CPO: variants seen among roughly 807,000 people sequenced by gnomAD.
The protein encoded by CPO is metallocarboxypeptidase C.
In CPO, 43 loss-of-function variants were observed where a neutral mutation model predicts 41.2. The observed-to-expected ratio is 1.04, with a 90% confidence interval of 0.82 to 1.35. The LOEUF (loss-of-function observed/expected upper bound fraction) is 1.35, where lower values mean the gene tolerates loss of function less well. Ranked by LOEUF, CPO falls within the 40% of genes most tolerant of loss-of-function variation. The probability of loss-of-function intolerance (pLI) is 0.00; values close to 1 mark genes in which losing one functional copy is unlikely to be tolerated. For missense variants in CPO, 408 were observed against 451.7 expected (o/e 0.90, Z 0.88); for synonymous variants, 178 against 162.7 (o/e 1.09, Z -0.72).
chr2:206,956,412 T>TCAA (rs141567906), intron 3 of CPO, among the ~76,000 whole-genome samples: 9 of 145,098 alleles, frequency 6.2e-5, no homozygotes, highest in Non-Finnish European at 1.1e-4. Context: ...ATCATCATCA[T>TCAA]CATCAGCAGC....
rs73983133 is a variant in CPO at position 206,967,648 on chromosome 2, G to C, written c.778-615G>C. Among the ~76,000 whole-genome samples the C allele has an allele frequency of 3.6e-3, 547 of 152,236 alleles. 4 individuals are homozygous for C. Among genetic ancestry groups the C allele is most frequent in the African/African-American group, 0.013 (524 of 41,534 alleles). On this transcript the variant is annotated intron_variant, in intron 7 of 8. Transcript: ENST00000272852. ...GGAATGTAGGGTAAGGCTGAGGAAT[G>C]GTAGGAAAATGAGTTTTTGACTATC...
intron 2 of CPO, among the ~76,000 whole-genome samples, chr2:206,951,332 C>T (rs925323967): frequency 6.6e-6 from 1 of 152,156 alleles, no homozygotes. Context: ...AAATTGGATA[C>T]AGTGAAAAAT....
chr2:206,957,253 G>A (rs921580738), intron 3 of CPO, among the ~76,000 whole-genome samples: 1 of 152,026 alleles, frequency 6.6e-6, no homozygotes, highest in African/African-American at 2.4e-5. Context: ...GCATGTGCCT[G>A]TAGTCCCAGC....
Position 206,955,530 on chromosome 2 carries a change from T to C in CPO, c.233T>C (p.Val78Ala). 6.2e-7 allele frequency: 1 copy of C among 1,607,806 alleles called. No individual in the cohort carries two copies. The highest frequency in any genetic ancestry group is 8.5e-7 in the Non-Finnish European group (1 of 1,174,270). ...GTGGTGACACAGCATTTCCTAGGAG[T>C]GACCTATGAGACCCACCCCATGTAT... ...KEVVTQHFLG[V>A]TYETHPMYYL... Residue 78 changes from valine to alanine, a missense_variant, in exon 3 of 9, where the codon GTG becomes GCG. Transcript: ENST00000272852.
chr2:206,943,690 A>AGATAGATAGATAATGGATAGAT, intron 1 of CPO, among the ~76,000 whole-genome samples: 1 of 103,986 alleles, frequency 9.6e-6, no homozygotes, highest in South Asian at 3.1e-4. Context: ...ATAGATAGAT[A>AGATAGATAGATAATGGATAGAT]GATAGATAGA....
intron 4 of CPO, among the ~76,000 whole-genome samples, chr2:206,958,728 GTTTTTTTTTTT>G (rs752377148): frequency 2.8e-4 from 15 of 53,334 alleles, no homozygotes; most frequent in East Asian, 7.8e-4. Flanking sequence ...AAATTTTCTA[GTTTTTTTTTTT>G]TTTTTTTTTT....
At chr2:206,943,690 A>AGAT (rs1693074271) in intron 1 of CPO, among the ~76,000 whole-genome samples, 1 of 103,986 alleles carries the variant, frequency 9.6e-6, no homozygotes, top group African/African-American at 3.7e-5. Flanking sequence ...ATAGATAGAT[A>AGAT]GATAGATAGA....
At chr2:206,946,638 A>G (rs1177014408) in intron 1 of CPO, among the ~76,000 whole-genome samples, 2 of 152,194 alleles carry the variant, frequency 1.3e-5, no homozygotes, top group East Asian at 1.9e-4. Context: ...TAAAATAAAA[A>G]GTATACAGAT....
intron 1 of CPO, 119 bp downstream of exon 1, chr2:206,939,786 A>T: frequency 1.6e-6 from 1 of 640,554 alleles, no homozygotes; most frequent in Non-Finnish European, 2.7e-6. Context: ...ATATACCACC[A>T]TGAGATGAGA....
At chr2:206,954,029 G>C (rs1333276806) in intron 2 of CPO, among the ~76,000 whole-genome samples, 2 of 152,118 alleles carry the variant, frequency 1.3e-5, no homozygotes, top group Non-Finnish European at 2.9e-5. Context: ...CACAGAACAA[G>C]GGGGCCCTGA....
At chr2:206,966,512 C>T (rs1302589494) in intron 7 of CPO, among the ~76,000 whole-genome samples, 1 of 152,134 alleles carries the variant, frequency 6.6e-6, no homozygotes, top group African/African-American at 2.4e-5. Context: ...GAATCCTGCC[C>T]ACCCCTCCCT....
At chr2:206,943,698 A>G (rs1693074766) in intron 1 of CPO, among the ~76,000 whole-genome samples, 3 of 127,256 alleles carry the variant, frequency 2.4e-5, no homozygotes, top group Non-Finnish European at 5.2e-5. Context: ...ATAGATAGAT[A>G]GATAGATAGA....
At chr2:206,943,617 T>C (rs1161500601) in intron 1 of CPO, among the ~76,000 whole-genome samples, 2 of 134,756 alleles carry the variant, frequency 1.5e-5, no homozygotes, top group Non-Finnish European at 3.2e-5. Context: ...AAAAAAAAAC[T>C]GGGATAATAG....
chr2:206,954,278 C>T (rs1693318729), intron 2 of CPO, among the ~76,000 whole-genome samples: 1 of 152,142 alleles, frequency 6.6e-6, no homozygotes, highest in African/African-American at 2.4e-5. Context: ...TGCTCTGTCC[C>T]CTCGTGAATG....
intron 6 of CPO, among the ~76,000 whole-genome samples, chr2:206,961,975 C>A (rs1693488326): frequency 6.6e-6 from 1 of 151,644 alleles, no homozygotes; most frequent in South Asian, 2.1e-4. Context: ...TGGCGGGTGC[C>A]TGTAGTCCCA....
chr2:206,960,800 T>A, intron 5 of CPO, 52 bp from the exon 6 acceptor site: 1 of 1,280,660 alleles, frequency 7.8e-7, no homozygotes, highest in East Asian at 2.3e-5. Context: ...TCACTAACAC[T>A]GTGATTTATG....
intron 7 of CPO, among the ~76,000 whole-genome samples, chr2:206,967,354 T>TATAGATATATAG (rs1553512807): frequency 5.0e-4 from 56 of 111,114 alleles, no homozygotes; most frequent in African/African-American, 1.8e-3. Context: ...TATATATAGA[T>TATAGATATATAG]ATATAGATAT....
In CPO at chr2:206,958,316, GGT is replaced by G. The variant is rs1189099157; in HGVS notation, c.284_285del (p.Gly95GlufsTer35). ...TCTTCTCCAGATCAGCCAACCATCT[GGT>G]AATCCCAAGAAAATCATTTGGATGG... The part of the protein sequence containing the change: ...MYYLKISQPS[G>X]NPKKIIWMDC... On this transcript the variant is annotated frameshift_variant, in exon 4 of 9. Coordinates refer to ENST00000272852, the MANE Select transcript of CPO (RefSeq NM_173077.3). LOFTEE classifies it high-confidence loss of function. 6.3e-7 allele frequency: 1 copy of G among 1,589,658 alleles called. No homozygotes were observed. The highest frequency in any genetic ancestry group is 1.4e-5 in the African/African-American group (1 of 73,984).
chr2:206,957,837 T>G (rs1360702356), intron 3 of CPO, among the ~76,000 whole-genome samples: 2 of 152,188 alleles, frequency 1.3e-5, no homozygotes, highest in Admixed American at 1.3e-4. Context: ...TTGAATCCAT[T>G]TGAAATTTCA....
Sources: gnomAD v4.1 joint callset for allele counts (sites outside exome capture counted in the v4.1 genomes callset) on GRCh38, gnomAD v4.1.1 for gene constraint, MANE v1.5 for transcripts, NCBI Gene and HGNC (gene_info 2026-07-23, HGNC 2026-07-21) for gene names.